Variants in LYN observed in about 807,000 individuals in gnomAD.
The protein encoded by LYN is tyrosine-protein kinase Lyn.
Under a neutral mutation model 65.0 loss-of-function variants are expected in LYN, and 12 were observed. The ratio of observed to expected loss-of-function variants is 0.18; its 90% CI spans 0.12 to 0.30. The LOEUF (loss-of-function observed/expected upper bound fraction) is 0.30, where lower values mean the gene tolerates loss of function less well. Ranked by LOEUF, LYN falls within the 10% of genes least tolerant of loss-of-function variation. The pLI is 1.00. For missense variants in LYN, 380 were observed against 623.2 expected, an observed-to-expected ratio of 0.61 and a Z score of 4.16; for synonymous variants, 222 against 221.2, an observed-to-expected ratio of 1.00 and a Z score of -0.03.
intron 1 of LYN, among the ~76,000 whole-genome samples, chr8:55,908,998 TATATATATATATACACACACACACAC>T (rs1156624516): frequency 0.013 from 837 of 63,066 alleles, 115 homozygotes; most frequent in Middle Eastern, 0.026. Context: ...TGTATATATA[TATATATATATATACACACACACACAC>T]ACACACACAC....
At chr8:55,964,998 G>A (rs13257714) in intron 8 of LYN, among the ~76,000 whole-genome samples, 25,701 of 151,890 alleles carry the variant, frequency 0.17, 2,417 homozygotes, top group Middle Eastern at 0.24. Flanking sequence ...AGGAAGATTT[G>A]CAGTGACACC....
rs144561586 is a variant in LYN, at chr8:55,880,751, C to T, written c.-6+648C>T. On this transcript the variant is annotated intron_variant, in intron 1 of 12. Transcript: ENST00000519728. ...CCGAGGAGCAGTCCGGTGCTTTTGC[C>T]GGCTGAGAGGAAGCGAGAGTTATTT... Among the ~76,000 whole-genome samples the T allele has an allele frequency of 4.9e-3, 745 of 152,348 alleles. 8 individuals are homozygous for T. Among genetic ancestry groups the T allele is most frequent in the African/African-American group, 0.017 (708 of 41,584 alleles).
chr8:55,883,674 G>C (rs1221132464), intron 1 of LYN, among the ~76,000 whole-genome samples: 5 of 152,220 alleles, frequency 3.3e-5, no homozygotes, highest in Admixed American at 3.3e-4. Flanking sequence ...TTATCAGTGA[G>C]AGCATCATTT....
intron 10 of LYN, among the ~76,000 whole-genome samples, chr8:55,994,390 T>G (rs1024776319): frequency 2.0e-5 from 3 of 152,224 alleles, no homozygotes; most frequent in African/African-American, 7.2e-5. Flanking sequence ...CACTCTGGCA[T>G]GGAAAAGAAG....
At chr8:55,972,073 C>A (rs1807622970) in intron 10 of LYN, among the ~76,000 whole-genome samples, 1 of 152,172 alleles carries the variant, frequency 6.6e-6, no homozygotes, top group African/African-American at 2.4e-5. Flanking sequence ...CCAGCCCGTG[C>A]CAGGTGAACT....
intron 1 of LYN, among the ~76,000 whole-genome samples, chr8:55,918,354 T>C (rs1805839690): frequency 6.6e-6 from 1 of 152,214 alleles, no homozygotes; most frequent in Non-Finnish European, 1.5e-5. Context: ...CCTGTGGAGA[T>C]GTAAAAACAC....
chr8:55,904,296 G>C (rs61446372), intron 1 of LYN, among the ~76,000 whole-genome samples: 1 of 152,132 alleles, frequency 6.6e-6, no homozygotes, highest in Admixed American at 6.5e-5. Flanking sequence ...CAATTATTTG[G>C]CTGTCGGGTT....
chr8:55,947,025 A>T (rs535872716), intron 3 of LYN, among the ~76,000 whole-genome samples: 1 of 152,212 alleles, frequency 6.6e-6, no homozygotes, highest in Non-Finnish European at 1.5e-5. Flanking sequence ...AGTTAGGTAG[A>T]TCACCTGTGG....
At chr8:55,962,035 C>T (rs901195830) in intron 8 of LYN, among the ~76,000 whole-genome samples, 2 of 152,206 alleles carry the variant, frequency 1.3e-5, no homozygotes, top group African/African-American at 4.8e-5. Context: ...TTTGTATGAA[C>T]GAATTATACC....
rs557608130 is a variant in LYN, at chr8:55,978,890, C to T, written c.1050+9097C>T. ...TGATCCCTAGAACCCTGTTCTCTGCCTGCACAGGCTCCTCCCTAGCCCTGG... is the reference window on the plus strand; with the variant it reads ...TGATCCCTAGAACCCTGTTCTCTGCTTGCACAGGCTCCTCCCTAGCCCTGG... On this transcript the variant is annotated intron_variant, in intron 10 of 12. Coordinates refer to ENST00000519728, the MANE Select transcript of LYN (RefSeq NM_002350.4). Among the ~76,000 whole-genome samples the T allele has an allele frequency of 2.0e-5, 3 of 152,260 alleles. No individual in the cohort carries two copies. In the East Asian group the frequency reaches 5.8e-4, roughly 29 times the overall value.
chr8:55,942,734 A>C (rs1806659661), intron 2 of LYN, among the ~76,000 whole-genome samples: 1 of 150,964 alleles, frequency 6.6e-6, no homozygotes, highest in South Asian at 2.1e-4. Flanking sequence ...GCAGTGAGCC[A>C]AGATTGCACC....
chr8:55,933,232 C>A (rs564536771), intron 1 of LYN, among the ~76,000 whole-genome samples: 15 of 152,260 alleles, frequency 9.9e-5, no homozygotes, highest in African/African-American at 3.6e-4. Context: ...TATGACATTA[C>A]GTAAATCTGA....
At chr8:55,959,729 C>T (rs758109163) in intron 8 of LYN, among the ~76,000 whole-genome samples, 1 of 151,570 alleles carries the variant, frequency 6.6e-6, no homozygotes, top group African/African-American at 2.4e-5. Context: ...TTTGTAATAG[C>T]CAAAAAGTAC....
At chr8:55,945,276 TG>T (rs1806740089) in intron 2 of LYN, among the ~76,000 whole-genome samples, 1 of 152,272 alleles carries the variant, frequency 6.6e-6, no homozygotes, top group Admixed American at 6.5e-5. Flanking sequence ...ATCAGCTTGC[TG>T]CTTTTAAAAT....
intron 11 of LYN, among the ~76,000 whole-genome samples, chr8:55,999,034 T>G (rs1159301900): frequency 6.6e-6 from 1 of 152,148 alleles, no homozygotes; most frequent in Non-Finnish European, 1.5e-5. Context: ...TGTGGCACAT[T>G]GTCAGGGGGC....
In LYN at chr8:55,898,375, G is replaced by T. The variant is rs112304696; in HGVS notation, c.-6+18272G>T. On this transcript the variant is annotated intron_variant, in intron 1 of 12. Coordinates refer to ENST00000519728, the MANE Select transcript of LYN (RefSeq NM_002350.4). ...ACACTCTTGGCTCACTGCAACCTCC[G>T]CCTTCCGTGTTCAAGCAATCCTCCC... 8.6e-5 allele frequency among the ~76,000 whole-genome samples: 13 copies of T among 152,042 alleles called. 1 individual carries two copies. The highest frequency in any genetic ancestry group is 2.9e-4 in the African/African-American group (12 of 41,462).
chr8:55,918,110 G>C (rs1312532267), intron 1 of LYN, among the ~76,000 whole-genome samples: 1 of 152,186 alleles, frequency 6.6e-6, no homozygotes, highest in Non-Finnish European at 1.5e-5. Context: ...GCAGCTTGCA[G>C]ATCTCCCAGC....
At chr8:55,949,598 G>A (rs1435478002) in intron 4 of LYN, among the ~76,000 whole-genome samples, 1 of 152,184 alleles carries the variant, frequency 6.6e-6, no homozygotes, top group Non-Finnish European at 1.5e-5. Context: ...GCAGTCATGG[G>A]ATACAGAGCG....
chr8:55,909,018 C>T (rs1202375055), intron 1 of LYN, among the ~76,000 whole-genome samples: 47,709 of 64,838 alleles, frequency 0.74, 16,242 homozygotes, highest in East Asian at 0.94. Context: ...TATACACACA[C>T]ACACACACAC....
Sources: gnomAD v4.1 joint callset for allele counts (sites outside exome capture counted in the v4.1 genomes callset) on GRCh38, gnomAD v4.1.1 for gene constraint, MANE v1.5 for transcripts, NCBI Gene and HGNC (gene_info 2026-07-23, HGNC 2026-07-21) for gene names.